Variants in RPTOR observed in about 807,000 individuals in gnomAD.
RPTOR encodes regulatory associated protein of MTOR complex 1, also known as regulatory-associated protein of mTOR.
A neutral mutation model predicts 169.9 loss-of-function variants in RPTOR; 21 were observed. The observed-to-expected ratio is 0.12, with a 90% CI of 0.09 to 0.18. The LOEUF is 0.18. Among genes scored for constraint, RPTOR ranks in the 10% least tolerant of loss-of-function variants. The pLI is 1.00. For synonymous variants in RPTOR, 732 were observed against 753.2 expected (o/e 0.97, Z 0.46); for missense variants, 1,133 against 1,855.9 (o/e 0.61, Z 7.16).
rs887275532 is a variant in RPTOR, at chr17:80,593,218, G to A, written c.163-32473G>A. ...GCAATTGTTGCCAGTGATAAAAATT[G>A]AGCTTTCAACTGTAAATTAAATTAG... On this transcript the variant is annotated intron_variant, in intron 1 of 33. Coordinates refer to ENST00000306801, the MANE Select transcript of RPTOR (RefSeq NM_020761.3). 3.9e-5 allele frequency: 6 copies of A among 153,950 alleles called. 1 individual carries two copies. Among genetic ancestry groups the A allele is most frequent in the Admixed American group, 1.3e-4 (2 of 15,304 alleles). 9.5% of individuals were successfully genotyped at this position (153,950 alleles called of 1,614,324 possible). A position where few individuals can be genotyped will look rare whatever the true frequency, so the allele number is the denominator to read the frequency against.
intron 2 of RPTOR, among the ~76,000 whole-genome samples, chr17:80,640,979 G>T (rs989285143): frequency 6.6e-6 from 1 of 151,954 alleles, no homozygotes; most frequent in East Asian, 2.0e-4. Context: ...AGCCCTGTGC[G>T]TTTACTTTGC....
In RPTOR at chr17:80,755,738, C is replaced by CAAAA. The variant is rs77078803; in HGVS notation, c.830+1570_830+1573dup. 3.7e-5 allele frequency among the ~76,000 whole-genome samples: 3 copies of CAAAA among 80,230 alleles called. 1 individual carries two copies. The highest frequency in any genetic ancestry group is 4.9e-5 in the Non-Finnish European group (2 of 40,832). The allele number at this position is 80,230 out of a possible 152,430, so 52.6% of individuals were successfully genotyped here. A position where few individuals can be genotyped will look rare whatever the true frequency, so the allele number is the denominator to read the frequency against. ...TGGGTGACGGAGCAAGACCCTGTCT[C>CAAAA]AAAAAAAAAAAAAAAAAAAAGAAAC... On this transcript the variant is annotated intron_variant, in intron 6 of 33. Coordinates refer to ENST00000306801, the MANE Select transcript of RPTOR (RefSeq NM_020761.3).
At chr17:80,854,665 G>A (rs936371694) in intron 11 of RPTOR, among the ~76,000 whole-genome samples, 5 of 152,226 alleles carry the variant, frequency 3.3e-5, no homozygotes, top group Admixed American at 6.5e-5. Flanking sequence ...AGGCTGAAGC[G>A]GGAGGGTTGC....
chr17:80,961,541 T>G (rs1271091775), intron 31 of RPTOR, 61 bp downstream of exon 31: 1 of 1,493,672 alleles, frequency 6.7e-7, no homozygotes, highest in African/African-American at 1.4e-5. Flanking sequence ...CCCCTCCATT[T>G]AAAATACGTC....
At chr17:80,632,317 T>C (rs2065448271) in intron 2 of RPTOR, among the ~76,000 whole-genome samples, 1 of 152,230 alleles carries the variant, frequency 6.6e-6, no homozygotes, top group South Asian at 2.1e-4. Flanking sequence ...TGCGGATCCC[T>C]GTGTGTGCTC....
At chr17:80,856,340 C>T (rs1409088421) in intron 12 of RPTOR, among the ~76,000 whole-genome samples, 1 of 152,198 alleles carries the variant, frequency 6.6e-6, no homozygotes, top group African/African-American at 2.4e-5. Flanking sequence ...TGAATATTCA[C>T]CAATGAAATC....
rs12450876 is a variant in RPTOR, at chr17:80,708,830, A to T, written c.507+831A>T. On this transcript the variant is annotated intron_variant, in intron 4 of 33. Coordinates refer to ENST00000306801, the MANE Select transcript of RPTOR (RefSeq NM_020761.3). This position sits in a 1 kb window ranked among gnomAD's most constrained non-coding sequence, Gnocchi z 4.2. ...GCCCCATATGTGCCTGAGCGTGTCT[A>T]TGAGGGCACTGATTTGGAATCCAGC... 1.9e-5 allele frequency: 11 copies of T among 594,250 alleles called. No homozygotes were observed. Among genetic ancestry groups the T allele is most frequent in the Non-Finnish European group, 2.3e-5 (11 of 472,782 alleles). The allele number at this position is 594,250 out of a possible 1,614,324, so 36.8% of individuals were successfully genotyped here.
chr17:80,571,818 G>A, intron 1 of RPTOR, among the ~76,000 whole-genome samples: 1 of 152,174 alleles, frequency 6.6e-6, no homozygotes, highest in East Asian at 1.9e-4. Flanking sequence ...ACTATGCCCA[G>A]CCTCTTCACT....
At chr17:80,577,139 C>T (rs78012645) in intron 1 of RPTOR, among the ~76,000 whole-genome samples, 36,180 of 151,026 alleles carry the variant, frequency 0.24, 5,290 homozygotes, top group East Asian at 0.42. Context: ...TCAAATGATT[C>T]TCCAGCCTCA....
Position 80,864,100 on chromosome 17 carries a change from AT to A in RPTOR, c.1509+6207del, listed in dbSNP as rs543645302. 4.3e-4 allele frequency among the ~76,000 whole-genome samples: 66 copies of A among 152,328 alleles called. No homozygotes were observed. In the South Asian group the frequency reaches 4.8e-3, roughly 11 times the overall value. On this transcript the variant is annotated intron_variant, in intron 13 of 33. Coordinates refer to ENST00000306801, the MANE Select transcript of RPTOR (RefSeq NM_020761.3). Reference sequence around the variant, plus strand: ...AGTATTTGAAGAAACAATAGCTAACATTTTTTTGAATTTGATGACAATTATA... The same window carrying A: ...AGTATTTGAAGAAACAATAGCTAACATTTTTTGAATTTGATGACAATTATA...
At chr17:80,634,290 G>A (rs200026396) in intron 2 of RPTOR, among the ~76,000 whole-genome samples, 3,801 of 130,462 alleles carry the variant, frequency 0.029, 560 homozygotes, top group African/African-American at 0.12. Context: ...GTGTGTGTGC[G>A]TACTGTGTGT....
intron 1 of RPTOR, among the ~76,000 whole-genome samples, chr17:80,552,872 A>G (rs1039026405): frequency 1.3e-5 from 2 of 152,242 alleles, no homozygotes; most frequent in Admixed American, 6.5e-5. Context: ...ATTTATGTTA[A>G]GAGGTCAGGG....
At chr17:80,839,814 A>G (rs2067607428) in intron 10 of RPTOR, among the ~76,000 whole-genome samples, 1 of 152,220 alleles carries the variant, frequency 6.6e-6, no homozygotes, top group African/African-American at 2.4e-5. Context: ...TGCAGTTTCT[A>G]TTTGCATGTG....
intron 3 of RPTOR, among the ~76,000 whole-genome samples, chr17:80,677,953 A>G (rs76992932): frequency 0.013 from 2,037 of 152,290 alleles, 63 homozygotes; most frequent in African/African-American, 0.046. Context: ...TAGCTGATGA[A>G]ATGGTTGTGT....
intron 6 of RPTOR, among the ~76,000 whole-genome samples, chr17:80,756,138 G>C (rs2066678752): frequency 6.6e-6 from 1 of 152,230 alleles, no homozygotes; most frequent in South Asian, 2.1e-4. Context: ...CATCATGAGG[G>C]CTCTGCCCTC....
Position 80,893,778 on chromosome 17 carries a change from C to T in RPTOR, c.2314C>T (p.Pro772Ser). ...CAGCGCCAGCAGCACCCTGGGCAGC[C>T]CCGAGAATGAGGAGCATATCCTGTC... ...SSSASSTLGS[P>S]ENEEHILSFE... Residue 772 changes from proline (P) to serine (S), a missense_variant, in exon 20 of 34, where the codon CCC becomes TCC. By Grantham distance (74) the Pro-to-Ser change is moderately conservative. Around this residue, in one of 9 missense-constraint regions of RPTOR, gnomAD observed 150 missense variants for 206.4 expected, o/e 0.73. Transcript: ENST00000306801. 1 of 1,598,128 alleles carries T rather than the reference C, an allele frequency of 6.3e-7. No individual in the cohort carries two copies. The highest frequency in any genetic ancestry group is 8.5e-7 in the Non-Finnish European group (1 of 1,172,052).
At chr17:80,551,489 A>G (rs1217248305) in intron 1 of RPTOR, among the ~76,000 whole-genome samples, 1 of 152,146 alleles carries the variant, frequency 6.6e-6, no homozygotes, top group Non-Finnish European at 1.5e-5. Flanking sequence ...TTTGCATCAT[A>G]GACAAGGTAA....
rs752235432 is a variant in RPTOR at position 80,966,363 on chromosome 17, C to T, written c.*2033C>T. 19 of 224,714 alleles carry T rather than the reference C, an allele frequency of 8.5e-5. No individual in the cohort carries two copies. Among genetic ancestry groups the T allele is most frequent in the Admixed American group, 3.4e-4 (6 of 17,496 alleles). The allele number at this position is 224,714 out of a possible 1,614,324, so 13.9% of individuals were successfully genotyped here. A position where few individuals can be genotyped will look rare whatever the true frequency, so the allele number is the denominator to read the frequency against. On this transcript the variant is annotated 3_prime_UTR_variant, in exon 34 of 34. Transcript: ENST00000306801. ...AGAGTGACCAACAGTAAACAACACG[C>T]GCAGACTCCGCGGCTGGCGGCTGTG...
In RPTOR at chr17:80,860,030, G is replaced by A. The variant is rs73351962; in HGVS notation, c.1509+2130G>A. 0.15 allele frequency among the ~76,000 whole-genome samples: 23,544 copies of A among 152,188 alleles called. 4,472 individuals carry two copies. The highest frequency in any genetic ancestry group is 0.45 in the African/African-American group (18,784 of 41,460). ...GAGAGTGCCAAGAACACCTTGGAGA[G>A]GCCATGGCTTGGAGCCGGGGAAGAC... On this transcript the variant is annotated intron_variant, in intron 13 of 33. Transcript: ENST00000306801. This position sits in a 1 kb window ranked among gnomAD's most constrained non-coding sequence, Gnocchi z 5.8.
Sources: allele counts gnomAD v4.1 joint callset (sites outside exome capture counted in the v4.1 genomes callset), GRCh38; gene constraint gnomAD v4.1.1; regional missense constraint gnomAD v4.1.1; non-coding constraint Gnocchi (gnomAD v3.1); transcripts MANE v1.5; gene names NCBI Gene and HGNC (gene_info 2026-07-23, HGNC 2026-07-21).